The following HIPK3 variants were observed in gnomAD, a reference collection of about 807,000 sequenced individuals.
HIPK3 encodes homeodomain interacting protein kinase 3.
Under a neutral mutation model 124.2 loss-of-function variants are expected in HIPK3, and 47 were observed. That is an observed-to-expected ratio of 0.38 (90% CI 0.30 to 0.48). The LOEUF (loss-of-function observed/expected upper bound fraction) is 0.48, where lower values mean the gene tolerates loss of function less well. Among genes scored for constraint, HIPK3 ranks in the 20% least tolerant of loss-of-function variants. The pLI is 0.98. For synonymous variants in HIPK3, 482 were observed against 515.2 expected, an observed-to-expected ratio of 0.94 and a Z score of 0.87; for missense variants, 1,286 against 1,454.3, an observed-to-expected ratio of 0.88 and a Z score of 1.88.
chr11:33,320,708 T>A (rs935496181), intron 2 of HIPK3, among the ~76,000 whole-genome samples: 2 of 152,134 alleles, frequency 1.3e-5, no homozygotes, highest in African/African-American at 4.8e-5. Flanking sequence ...GAGTTAAATT[T>A]GATTCTCACA....
At chr11:33,264,283 A>T (rs1380605260) in intron 1 of HIPK3, among the ~76,000 whole-genome samples, 1 of 152,190 alleles carries the variant, frequency 6.6e-6, no homozygotes, top group East Asian at 1.9e-4. Context: ...ATTCTTTCAT[A>T]TAATTCTTGA....
intron 14 of HIPK3, among the ~76,000 whole-genome samples, chr11:33,349,517 C>T (rs1390635282): frequency 2.0e-5 from 3 of 152,142 alleles, no homozygotes; most frequent in African/African-American, 7.2e-5. Flanking sequence ...GGCATGATCT[C>T]GGCTCACAGC....
At chr11:33,305,153 A>G (rs1852118639) in intron 2 of HIPK3, among the ~76,000 whole-genome samples, 1 of 152,058 alleles carries the variant, frequency 6.6e-6, no homozygotes, top group South Asian at 2.1e-4. Context: ...GGCTTGCGCC[A>G]CCATGCCTGA....
At chr11:33,321,920 A>G (rs1344437629) in intron 2 of HIPK3, among the ~76,000 whole-genome samples, 2 of 152,176 alleles carry the variant, frequency 1.3e-5, no homozygotes, top group African/African-American at 2.4e-5. Flanking sequence ...GATTTTTATT[A>G]TGTGAAATCA....
At chr11:33,313,317 G>C (rs1007118273) in intron 2 of HIPK3, among the ~76,000 whole-genome samples, 8 of 152,162 alleles carry the variant, frequency 5.3e-5, no homozygotes, top group Admixed American at 5.2e-4. Context: ...TTTTTTTAAA[G>C]TATTGTTGTG....
rs144510141 is a variant in HIPK3 at position 33,281,856 on chromosome 11, G to T, written c.-2-4557G>T. Reference sequence around the variant, plus strand: ...CTGTTTAGTACCTTTTGATGGATATGTAGGTTATTTACAGTATTAGGTTGC... The same window carrying T: ...CTGTTTAGTACCTTTTGATGGATATTTAGGTTATTTACAGTATTAGGTTGC... On this transcript the variant is annotated intron_variant, in intron 1 of 16. Transcript: ENST00000303296. Among the ~76,000 whole-genome samples, 4 of 152,270 alleles carry T rather than the reference G, an allele frequency of 2.6e-5. No individual in the cohort carries two copies. The East Asian group carries it at 7.7e-4, about 29-fold the overall frequency.
chr11:33,314,045 C>T (rs559514532), intron 2 of HIPK3, among the ~76,000 whole-genome samples: 1 of 152,086 alleles, frequency 6.6e-6, no homozygotes, highest in South Asian at 2.1e-4. Context: ...TGGTCTCGTA[C>T]TCCTGGGCTC....
chr11:33,305,492 T>A (rs1852130309), intron 2 of HIPK3, among the ~76,000 whole-genome samples: 1 of 152,226 alleles, frequency 6.6e-6, no homozygotes, highest in Non-Finnish European at 1.5e-5. Flanking sequence ...TTTGCATAAT[T>A]ACCCTTTACT....
chr11:33,348,527 A>G lies in HIPK3; in HGVS notation c.2375A>G (p.Asn792Ser). Residue 792 changes from asparagine (N) to serine (S), a missense_variant, in exon 13 of 17, where the codon AAT (asparagine) becomes AGT (serine). Asn to Ser is a conservative substitution (Grantham distance 46). Around this residue, in one of 3 missense-constraint regions of HIPK3, gnomAD observed 810 missense variants for 864.9 expected, o/e 0.94. Transcript: ENST00000303296. ...AATTATTCCTTTGGTTGCAGGAGTAATTCATTACAGAATACCAATATCCCA... is the reference window on the plus strand; with the variant it reads ...AATTATTCCTTTGGTTGCAGGAGTAGTTCATTACAGAATACCAATATCCCA... ...REEINAFSWS[N>S]SLQNTNIPHS... 1 of 1,605,626 alleles carries G rather than the reference A, an allele frequency of 6.2e-7. No homozygotes were observed. The highest frequency in any genetic ancestry group is 8.5e-7 in the Non-Finnish European group (1 of 1,172,832).
chr11:33,328,760 G>T, intron 3 of HIPK3, 127 bp downstream of exon 3: 1 of 723,588 alleles, frequency 1.4e-6, no homozygotes, highest in Non-Finnish European at 2.1e-6. Context: ...GCAGAATCTG[G>T]GATCTTGTAG....
At chr11:33,277,760 T>C (rs1467400809) in intron 1 of HIPK3, among the ~76,000 whole-genome samples, 3 of 152,232 alleles carry the variant, frequency 2.0e-5, no homozygotes, top group Admixed American at 6.5e-5. Context: ...CAAAAGTGAT[T>C]GTACTTCTTA....
chr11:33,260,390 G>C (rs1190835424), intron 1 of HIPK3, among the ~76,000 whole-genome samples: 1 of 152,186 alleles, frequency 6.6e-6, no homozygotes, highest in Non-Finnish European at 1.5e-5. Context: ...ATATGGAAAG[G>C]AGGAAAGGGA....
intron 3 of HIPK3, among the ~76,000 whole-genome samples, chr11:33,329,927 C>T (rs968069567): frequency 3.3e-5 from 5 of 152,100 alleles, no homozygotes; most frequent in Admixed American, 2.0e-4. Flanking sequence ...AGCAGGACAC[C>T]CTCTAGTGGC....
intron 4 of HIPK3, among the ~76,000 whole-genome samples, 153 bp from the exon 5 acceptor site, chr11:33,338,604 T>C (rs375645561): frequency 0.032 from 4,939 of 152,368 alleles, 108 homozygotes; most frequent in Middle Eastern, 0.051. Context: ...TTCTCATTTT[T>C]TTTTTGCGTA....
chr11:33,275,197 G>A (rs960322259), intron 1 of HIPK3, among the ~76,000 whole-genome samples: 10 of 152,036 alleles, frequency 6.6e-5, no homozygotes, highest in Non-Finnish European at 8.8e-5. Context: ...GTGCCACCAT[G>A]CCTAGCTAAT....
rs776099317 is a variant in HIPK3 at position 33,286,841 on chromosome 11, A to T, written c.427A>T (p.Ile143Phe). 24 of 1,614,046 alleles carry T rather than the reference A, an allele frequency of 1.5e-5. No individual in the cohort carries two copies. The highest frequency in any genetic ancestry group is 2.0e-5 in the Non-Finnish European group (24 of 1,180,024). The change falls in exon 2 of 17, where the codon ATT (isoleucine) becomes TTT (phenylalanine). Residue 143 changes from isoleucine (I) to phenylalanine (F), a missense_variant. Coordinates refer to ENST00000303296, the MANE Select transcript of HIPK3 (RefSeq NM_005734.5). ...ELDNHSSAMQ[I>F]VDELSILPAM... ...GGATAATCATAGCAGCGCAATGCAG[A>T]TTGTCGATGAATTGTCCATACTTCC...
chr11:33,287,798 A>G (rs1851596961), intron 2 of HIPK3, among the ~76,000 whole-genome samples: 2 of 152,248 alleles, frequency 1.3e-5, no homozygotes, highest in South Asian at 4.1e-4. Context: ...ATGATCAAAC[A>G]GAAGTCTTTA....
chr11:33,288,151 A>G (rs948348770), intron 2 of HIPK3, among the ~76,000 whole-genome samples: 2 of 152,188 alleles, frequency 1.3e-5, no homozygotes, highest in African/African-American at 4.8e-5. Flanking sequence ...CTGATTAATG[A>G]TTTTAAGATT....
chr11:33,257,262 C>A (rs2133852594), upstream of HIPK3: 1 of 983,438 alleles, frequency 1.0e-6, no homozygotes, highest in African/African-American at 1.8e-5. Context: ...GGCGCCGCGG[C>A]CGGAGCGGAG....
Sources: allele counts gnomAD v4.1 joint callset (sites outside exome capture counted in the v4.1 genomes callset), GRCh38; gene constraint gnomAD v4.1.1; regional missense constraint gnomAD v4.1.1; transcripts MANE v1.5; gene names NCBI Gene and HGNC (gene_info 2026-07-23, HGNC 2026-07-21).